Variants in TRPM3 observed in about 807,000 individuals in gnomAD.
TRPM3 encodes transient receptor potential cation channel subfamily M member 3.
TRPM3 carries 77 observed loss-of-function variants against 181.2 expected under a neutral mutation model. The observed-to-expected ratio is 0.42, with a 90% CI of 0.35 to 0.51. The LOEUF (loss-of-function observed/expected upper bound fraction) is 0.51, where lower values mean the gene tolerates loss of function less well. Among genes scored for constraint, TRPM3 ranks in the 20% least tolerant of loss-of-function variants. The probability of loss-of-function intolerance (pLI) is 0.01; values close to 1 mark genes in which losing one functional copy is unlikely to be tolerated. For synonymous variants in TRPM3, 745 were observed against 796.4 expected (o/e 0.94, Z 1.09); for missense variants, 1,759 against 2,196.7 (o/e 0.80, Z 3.98).
rs547439424 is a variant in TRPM3 at position 70,969,965 on chromosome 9, C to A, written c.178-105454G>T. On this transcript the variant is annotated intron_variant, in intron 1 of 25. Coordinates refer to ENST00000677713, the MANE Select transcript of TRPM3 (RefSeq NM_001366145.2). Reference sequence around the variant, plus strand: ...GTCTATAGGTCTCGACACTATACAGCAAAATCAGTATCCATGTGGACAGTG... The same window carrying A: ...GTCTATAGGTCTCGACACTATACAGAAAAATCAGTATCCATGTGGACAGTG... 3.4e-4 allele frequency among the ~76,000 whole-genome samples: 51 copies of A among 151,908 alleles called. No individual in the cohort carries two copies. The East Asian group carries it at 8.4e-3, about 25-fold the overall frequency.
intron 9 of TRPM3, among the ~76,000 whole-genome samples, chr9:70,642,224 T>C (rs1374037957): frequency 1.3e-5 from 2 of 152,124 alleles, no homozygotes; most frequent in Non-Finnish European, 2.9e-5. Context: ...GGTCTTATTG[T>C]CTCCTGTCTC....
At chr9:70,828,416 G>A (rs1273844705) in intron 5 of TRPM3, among the ~76,000 whole-genome samples, 1 of 152,112 alleles carries the variant, frequency 6.6e-6, no homozygotes, top group African/African-American at 2.4e-5. Context: ...AACAGGCACA[G>A]CAGAACAATT....
intron 1 of TRPM3, among the ~76,000 whole-genome samples, chr9:71,077,215 G>A (rs1431508327): frequency 6.6e-6 from 1 of 152,154 alleles, no homozygotes; most frequent in African/African-American, 2.4e-5. Flanking sequence ...TAGTGCCCAG[G>A]AATCCAGGAA....
chr9:71,178,837 C>T (rs2077245149), intron 1 of TRPM3, among the ~76,000 whole-genome samples: 1 of 152,080 alleles, frequency 6.6e-6, no homozygotes, highest in African/African-American at 2.4e-5. Flanking sequence ...AAATGCCTGC[C>T]TCCACTCAGA....
chr9:71,068,265 C>T (rs1428986390), intron 1 of TRPM3, among the ~76,000 whole-genome samples: 8 of 152,212 alleles, frequency 5.3e-5, no homozygotes, highest in Non-Finnish European at 8.8e-5. Context: ...TCTTGGTACA[C>T]TCAGGAATTG....
At chr9:70,594,052 T>C (rs1462313672) in intron 21 of TRPM3, among the ~76,000 whole-genome samples, 1 of 147,846 alleles carries the variant, frequency 6.8e-6, no homozygotes, top group African/African-American at 2.5e-5. Context: ...TAAAAATAGC[T>C]ACATGGAAAA....
At chr9:70,910,880 C>G (rs2096530834) in intron 1 of TRPM3, among the ~76,000 whole-genome samples, 1 of 152,214 alleles carries the variant, frequency 6.6e-6, no homozygotes, top group African/African-American at 2.4e-5. Flanking sequence ...GCTTTCAACT[C>G]TAACCTGTCT....
rs1049658286 is a variant in TRPM3, at chr9:70,917,892, C to T, written c.178-53381G>A. 2.0e-5 allele frequency among the ~76,000 whole-genome samples: 3 copies of T among 151,938 alleles called. No individual in the cohort carries two copies. The South Asian group carries it at 6.2e-4, about 32-fold the overall frequency. On this transcript the variant is annotated intron_variant, in intron 1 of 25. Transcript: ENST00000677713. ...AAAACAAGATCGAATGATCTGTTGC[C>T]TACAAGAAACAGACTTCACCTATAA...
At chr9:70,948,988 C>T (rs1349873533) in intron 1 of TRPM3, among the ~76,000 whole-genome samples, 1 of 152,108 alleles carries the variant, frequency 6.6e-6, no homozygotes, top group Non-Finnish European at 1.5e-5. Context: ...GAGAGAAAGT[C>T]AATGACTTCT....
intron 1 of TRPM3, among the ~76,000 whole-genome samples, chr9:71,246,271 A>G (rs1216906966): frequency 6.6e-6 from 1 of 152,188 alleles, no homozygotes; most frequent in Non-Finnish European, 1.5e-5. Flanking sequence ...ATTTTTTTCA[A>G]ATCATTTGTA....
chr9:71,234,244 C>G (rs1402259599), intron 1 of TRPM3, among the ~76,000 whole-genome samples: 1 of 152,174 alleles, frequency 6.6e-6, no homozygotes, highest in Non-Finnish European at 1.5e-5. Flanking sequence ...AGCAAGTGAT[C>G]CATTGAGTGT....
intron 1 of TRPM3, among the ~76,000 whole-genome samples, chr9:71,015,753 A>G (rs867682068): frequency 3.3e-5 from 5 of 152,224 alleles, no homozygotes; most frequent in Admixed American, 6.5e-5. Context: ...TCAACGAACC[A>G]GAGTTCTTTA....
At chr9:70,610,795 G>A (rs2061890079) in intron 18 of TRPM3, 46 bp from the exon 19 acceptor site, 2 of 1,605,006 alleles carry the variant, frequency 1.2e-6, no homozygotes, top group Non-Finnish European at 1.7e-6. Flanking sequence ...GCTCTGGAGA[G>A]CATGTTGTTC....
intron 18 of TRPM3, among the ~76,000 whole-genome samples, chr9:70,613,402 G>T (rs1021102912): frequency 5.9e-5 from 9 of 152,302 alleles, no homozygotes; most frequent in Admixed American, 3.3e-4. Flanking sequence ...TGATATTTTC[G>T]TGTGTCGTTT....
At chr9:71,325,278 CCAAAGT>C (rs1340782529) in intron 1 of TRPM3, among the ~76,000 whole-genome samples, 2 of 152,140 alleles carry the variant, frequency 1.3e-5, no homozygotes, top group Non-Finnish European at 2.9e-5. Flanking sequence ...CAAATATCAA[CCAAAGT>C]CAATTTCTAT....
chr9:70,913,391 G>A (rs1284827159), intron 1 of TRPM3, among the ~76,000 whole-genome samples: 9 of 152,034 alleles, frequency 5.9e-5, no homozygotes. Flanking sequence ...CATTGCATTG[G>A]CCAGGATCAT....
chr9:71,031,359 A>C (rs2057279510), intron 1 of TRPM3, among the ~76,000 whole-genome samples: 1 of 152,162 alleles, frequency 6.6e-6, no homozygotes, highest in South Asian at 2.1e-4. Context: ...TTTGAGTTTG[A>C]ATATCGGTTC....
chr9:70,755,677 T>C (rs1274435539), intron 8 of TRPM3, among the ~76,000 whole-genome samples: 2 of 152,110 alleles, frequency 1.3e-5, no homozygotes, highest in Non-Finnish European at 1.5e-5. Flanking sequence ...ATCGACATTC[T>C]TAAAGAAAAG....
chr9:70,770,732 G>GA (rs141093518), intron 7 of TRPM3, among the ~76,000 whole-genome samples: 2 of 151,988 alleles, frequency 1.3e-5, no homozygotes, highest in Non-Finnish European at 1.5e-5. Context: ...ATGTATTTGG[G>GA]AAAAAAAGAG....
Sources: allele counts gnomAD v4.1 joint callset (sites outside exome capture counted in the v4.1 genomes callset), GRCh38; gene constraint gnomAD v4.1.1; transcripts MANE v1.5; gene names NCBI Gene and HGNC (gene_info 2026-07-23, HGNC 2026-07-21).